Variants in PLEKHO2 observed in about 807,000 individuals in gnomAD.
The protein encoded by PLEKHO2 is pleckstrin homology domain containing O2, also known as pleckstrin homology domain-containing family O member 2.
Under a neutral mutation model 32.7 loss-of-function variants are expected in PLEKHO2, and 20 were observed. That is an observed-to-expected ratio of 0.61 (90% confidence interval 0.43 to 0.89). PLEKHO2 has a LOEUF of 0.89. Ranked by LOEUF, PLEKHO2 falls within the 40% of genes least tolerant of loss-of-function variation. The pLI is 0.00. For missense variants in PLEKHO2, 568 were observed against 621.2 expected, an observed-to-expected ratio of 0.91 and a Z score of 0.91; for synonymous variants, 247 against 246.3, an observed-to-expected ratio of 1.00 and a Z score of -0.03.
intron 1 of PLEKHO2, among the ~76,000 whole-genome samples, chr15:64,843,994 T>C (rs891330433): frequency 2.6e-5 from 4 of 152,128 alleles, no homozygotes; most frequent in African/African-American, 9.7e-5. Flanking sequence ...AGCAGGGGCT[T>C]CCTTTCCCTA....
At chr15:64,862,653 C>T (rs2084650648) in intron 5 of PLEKHO2, among the ~76,000 whole-genome samples, 1 of 152,140 alleles carries the variant, frequency 6.6e-6, no homozygotes, top group Non-Finnish European at 1.5e-5. Flanking sequence ...GAGGCAAGTG[C>T]CACATCTGGA....
intron 4 of PLEKHO2, 67 bp downstream of exon 4, chr15:64,860,065 G>T (rs190034984): frequency 3.9e-5 from 56 of 1,428,316 alleles, no homozygotes; most frequent in Middle Eastern, 4.1e-4. Context: ...ATCTAGGAGA[G>T]GACCCTGCCC....
intron 1 of PLEKHO2, 143 bp downstream of exon 1, chr15:64,842,171 G>A (rs2084488863): frequency 2.6e-5 from 20 of 770,242 alleles, no homozygotes; most frequent in Non-Finnish European, 3.2e-5. Context: ...ATGGGGCAGG[G>A]GCGAGGGGCT....
At chr15:64,854,840 C>T (rs1190002707) in intron 2 of PLEKHO2, 81 bp from the exon 3 acceptor site, 2 of 1,086,286 alleles carry the variant, frequency 1.8e-6, no homozygotes, top group East Asian at 4.8e-5. Context: ...TGAGTGGGAT[C>T]AGGGTCTGGG....
intron 5 of PLEKHO2, among the ~76,000 whole-genome samples, chr15:64,862,504 G>T (rs1453323455): frequency 1.3e-5 from 2 of 152,048 alleles, no homozygotes; most frequent in Admixed American, 6.6e-5. Context: ...GGGGAGGGGG[G>T]AAGGGAGGAG....
At chr15:64,853,139 AAAAAAAC>A (rs958782229) in intron 2 of PLEKHO2, among the ~76,000 whole-genome samples, 2 of 151,340 alleles carry the variant, frequency 1.3e-5, no homozygotes, top group African/African-American at 4.9e-5. Flanking sequence ...ACTCTGTCTC[AAAAAAAC>A]AAAAAACAAA....
chr15:64,863,519 T>TTGTGTGTGTGTGTGTTTG (rs1310458179), intron 5 of PLEKHO2, among the ~76,000 whole-genome samples: 12 of 145,164 alleles, frequency 8.3e-5, no homozygotes, highest in African/African-American at 2.8e-4. Context: ...GTGTGTGTGT[T>TTGTGTGTGTGTGTGTTTG]TGTGTGTGTG....
chr15:64,847,266 C>G (rs1269000497), intron 1 of PLEKHO2, among the ~76,000 whole-genome samples: 1 of 152,202 alleles, frequency 6.6e-6, no homozygotes, highest in Admixed American at 6.5e-5. Context: ...CTTGTTCTTC[C>G]AAAGGCAGCT....
At chr15:64,858,633 C>G (rs1201655636) in intron 3 of PLEKHO2, among the ~76,000 whole-genome samples, 1 of 152,172 alleles carries the variant, frequency 6.6e-6, no homozygotes, top group Non-Finnish European at 1.5e-5. Flanking sequence ...TCCCATCTTA[C>G]AGACGAGGAA....
intron 5 of PLEKHO2, among the ~76,000 whole-genome samples, chr15:64,862,947 T>A (rs905451737): frequency 2.7e-5 from 4 of 148,994 alleles, no homozygotes; most frequent in Non-Finnish European, 4.5e-5. Flanking sequence ...CTCTTTTTTT[T>A]TTTTTTTTTT....
intron 2 of PLEKHO2, 124 bp from the exon 3 acceptor site, chr15:64,854,797 G>C (rs2084594630): frequency 2.8e-6 from 2 of 713,680 alleles, no homozygotes; most frequent in Non-Finnish European, 4.9e-6. Context: ...TTGGCAGCCT[G>C]AGGTCCTCCC....
In PLEKHO2 at chr15:64,848,576, C is replaced by T. The variant is rs772627366; in HGVS notation, c.13-17C>T. On this transcript the variant is annotated splice_polypyrimidine_tract_variant and intron_variant, in intron 1 of 5. Coordinates refer to ENST00000323544, the MANE Select transcript of PLEKHO2 (RefSeq NM_025201.5). ...ATGGTAGCAACCCTCATGGTATGAA[C>T]TGGTGCTGTGTTACAGGGTGTGAAG... 24 of 1,613,896 alleles carry T rather than the reference C, an allele frequency of 1.5e-5. No individual in the cohort carries two copies. The highest frequency in any genetic ancestry group is 1.9e-5 in the Non-Finnish European group (23 of 1,179,948).
chr15:64,844,289 C>A (rs1341592586), intron 1 of PLEKHO2, among the ~76,000 whole-genome samples: 1 of 152,200 alleles, frequency 6.6e-6, no homozygotes, highest in Non-Finnish European at 1.5e-5. Context: ...TAGCTCTTGT[C>A]AGGCTGAGGC....
At chr15:64,860,075 C>A in intron 4 of PLEKHO2, 77 bp downstream of exon 4, 1 of 1,269,158 alleles carries the variant, frequency 7.9e-7, no homozygotes, top group African/African-American at 1.5e-5. Flanking sequence ...GGACCCTGCC[C>A]CTCCTTACCC....
At position 64,848,670 on chromosome 15, in the gene PLEKHO2, G is replaced by A. The variant is rs1395567983; in HGVS notation, c.90G>A (p.Gly30=). The A allele has an allele frequency of 1.2e-6, 2 of 1,614,148 alleles. No homozygotes were observed. Among genetic ancestry groups the A allele is most frequent in the Non-Finnish European group, 1.7e-6 (2 of 1,180,034 alleles). ...DKAGWIKKSS[G]GLLGFWKDRY... is the part of the protein sequence containing the mutation. The stretch of plus-strand genomic sequence containing the variant: ...CTGGCTGGATCAAGAAGAGCAGTGG[G>A]GGCCTCCTGGGTTTCTGGAAAGACC... Residue 30 remains glycine, a synonymous_variant, in exon 2 of 6, where the codon GGG becomes GGA. Coordinates refer to ENST00000323544, the MANE Select transcript of PLEKHO2 (RefSeq NM_025201.5).
Position 64,865,882 on chromosome 15 carries a change from A to G in PLEKHO2, c.1467A>G (p.Ala489=), listed in dbSNP as rs986071346. 6 of 1,599,002 alleles carry G rather than the reference A, an allele frequency of 3.8e-6. No individual in the cohort carries two copies. The African/African-American group carries it at 8.0e-5, about 21-fold the overall frequency. Residue 489 remains alanine (A), a synonymous_variant, in exon 6 of 6, where the codon GCA becomes GCG. Coordinates refer to ENST00000323544, the MANE Select transcript of PLEKHO2 (RefSeq NM_025201.5). ...KELVTLYRRS[A]P ...TGGTGACCCTCTACAGGAGAAGTGC[A>G]CCCTAGGGCCTTCTGGGCCAGAGGC... is the stretch of plus-strand genomic sequence containing the variant.
intron 2 of PLEKHO2, among the ~76,000 whole-genome samples, chr15:64,853,331 C>T (rs1299153867): frequency 6.9e-6 from 1 of 145,242 alleles, no homozygotes; most frequent in African/African-American, 2.6e-5. Context: ...GGCTGGAGTG[C>T]AGTGGAGCGA....
In PLEKHO2 at chr15:64,865,699, CA is replaced by C; in HGVS notation, c.1286del (p.Lys429ArgfsTer23). ...CGGAACAGACGGAGAAACTGTTGAACAAGGTGCTGGGCAGTGAGCCGGCCCC... is the reference window on the plus strand; with the variant it reads ...CGGAACAGACGGAGAAACTGTTGAACAGGTGCTGGGCAGTGAGCCGGCCCC... Reference protein sequence around the residue: ...ASEQTEKLLNKVLGSEPAPVS... With the variant: ...ASEQTEKLLNXVLGSEPAPVS... On this transcript the variant is annotated frameshift_variant, in exon 6 of 6. Transcript: ENST00000323544. LOFTEE classifies it high-confidence loss of function. The C allele has an allele frequency of 6.2e-7, 1 of 1,614,220 alleles. No homozygotes were observed. The highest frequency in any genetic ancestry group is 8.5e-7 in the Non-Finnish European group (1 of 1,180,032).
intron 2 of PLEKHO2, among the ~76,000 whole-genome samples, chr15:64,853,356 A>C (rs569874144): frequency 7.4e-5 from 11 of 148,062 alleles, no homozygotes; most frequent in African/African-American, 2.8e-4. Context: ...GGCTCACTGC[A>C]AGCTCCGCCT....
Sources: gnomAD v4.1 joint callset for allele counts (sites outside exome capture counted in the v4.1 genomes callset) on GRCh38, gnomAD v4.1.1 for gene constraint, MANE v1.5 for transcripts, NCBI Gene and HGNC (gene_info 2026-07-23, HGNC 2026-07-21) for gene names.